LRRK1: variants seen among roughly 807,000 people sequenced by gnomAD.
LRRK1 encodes leucine-rich repeat serine/threonine-protein kinase 1.
Under a neutral mutation model 209.1 loss-of-function variants are expected in LRRK1, and 113 were observed. That is an observed-to-expected ratio of 0.54 (90% CI 0.46 to 0.63). The LOEUF is 0.63. LRRK1 is among the 30% of genes least tolerant of loss of function. The pLI is 0.00. For missense variants in LRRK1, 2,284 were observed against 2,632.2 expected, an observed-to-expected ratio of 0.87 and a Z score of 2.89; for synonymous variants, 1,144 against 1,099.7, an observed-to-expected ratio of 1.04 and a Z score of -0.80.
At chr15:100,949,984 C>T (rs1191890066) in intron 2 of LRRK1, among the ~76,000 whole-genome samples, 3 of 152,184 alleles carry the variant, frequency 2.0e-5, no homozygotes, top group Admixed American at 1.3e-4. Context: ...ACTCTCACTA[C>T]TTCTATTCAA....
intron 2 of LRRK1, among the ~76,000 whole-genome samples, chr15:100,930,021 G>A (rs1421239220): frequency 1.3e-5 from 2 of 152,196 alleles, no homozygotes; most frequent in Admixed American, 1.3e-4. Context: ...GTTTTAACCT[G>A]AGGCTTAGAT....
chr15:100,972,412 G>A (rs1303015498), intron 2 of LRRK1, among the ~76,000 whole-genome samples: 1 of 148,460 alleles, frequency 6.7e-6, no homozygotes, highest in East Asian at 2.0e-4. Flanking sequence ...GTTTTGGTAT[G>A]TTTGAAGAAT....
intron 13 of LRRK1, 122 bp downstream of exon 13, chr15:101,021,304 C>G (rs1043036808): frequency 8.9e-7 from 1 of 1,121,662 alleles, no homozygotes; most frequent in Non-Finnish European, 1.3e-6. Context: ...TTCCAAGAAG[C>G]AGTAGTGAGA....
At chr15:101,066,838 A>G in intron 33 of LRRK1, 97 bp downstream of exon 33, 1 of 1,056,780 alleles carries the variant, frequency 9.5e-7, no homozygotes, top group African/African-American at 1.6e-5. Flanking sequence ...CTGCCCTTCC[A>G]TTCTCCCAAA....
rs2036907343 is a variant in LRRK1 at position 101,074,316 on chromosome 15, T to C, written c.*5468T>C. On this transcript the variant is annotated 3_prime_UTR_variant, in exon 34 of 34. Transcript: ENST00000388948. The stretch of plus-strand genomic sequence containing the variant: ...CTCCCCTCCTCACACCCGGTCCGGC[T>C]TACAGTTTCCTTCCGTGACTAGCCC... The C allele has an allele frequency of 6.6e-6, 1 of 152,128 alleles. No homozygotes were observed. 9.4% of individuals were successfully genotyped at this position (152,128 alleles called of 1,614,324 possible). A position where few individuals can be genotyped will look rare whatever the true frequency, so the allele number is the denominator to read the frequency against.
chr15:100,926,672 CTTTTTTTCTTTT>C (rs2042118422), intron 2 of LRRK1, among the ~76,000 whole-genome samples: 1 of 128,666 alleles, frequency 7.8e-6, no homozygotes, highest in African/African-American at 3.0e-5. Context: ...TTTTTCTTTT[CTTTTTTTCTTTT>C]TTTTTTTTTT....
intron 20 of LRRK1, among the ~76,000 whole-genome samples, chr15:101,038,970 A>C (rs1047965834): frequency 6.6e-6 from 1 of 152,174 alleles, no homozygotes; most frequent in African/African-American, 2.4e-5. Flanking sequence ...ACATCTACAA[A>C]GTCTCTATTT....
intron 13 of LRRK1, 56 bp from the exon 14 acceptor site, chr15:101,021,775 CGTGTGTGTGTGTGT>C (rs3031683): frequency 0.12 from 96,145 of 770,290 alleles, 64 homozygotes; most frequent in South Asian, 0.18. Flanking sequence ...CACGTGTGTG[CGTGTGTGTGTGTGT>C]GTGTGTGTGT....
chr15:100,944,595 G>A (rs1358524380), intron 2 of LRRK1, among the ~76,000 whole-genome samples: 2 of 152,198 alleles, frequency 1.3e-5, no homozygotes, highest in Admixed American at 6.5e-5. Context: ...GAGGACTCCT[G>A]ATCTTGGCTT....
chr15:101,069,346 T>A lies in LRRK1; in HGVS notation c.*498T>A, dbSNP rs1264890024. 6.5e-6 allele frequency: 1 copy of A among 152,908 alleles called. No individual in the cohort carries two copies. Among genetic ancestry groups the A allele is most frequent in the Non-Finnish European group, 1.5e-5 (1 of 68,310 alleles). 9.5% of individuals were successfully genotyped at this position (152,908 alleles called of 1,614,324 possible). A position where few individuals can be genotyped will look rare whatever the true frequency, so the allele number is the denominator to read the frequency against. On this transcript the variant is annotated 3_prime_UTR_variant, in exon 34 of 34. Coordinates refer to ENST00000388948, the MANE Select transcript of LRRK1 (RefSeq NM_024652.6). ...GCTCTCAGCACATTCCACAGGCTCCTGAGTCCCCGAGGCCTGGGCCAGCTT... is the reference window on the plus strand; with the variant it reads ...GCTCTCAGCACATTCCACAGGCTCCAGAGTCCCCGAGGCCTGGGCCAGCTT...
intron 9 of LRRK1, among the ~76,000 whole-genome samples, chr15:101,011,084 C>A (rs2033215035): frequency 1.3e-5 from 2 of 152,154 alleles, no homozygotes; most frequent in Non-Finnish European, 2.9e-5. Flanking sequence ...ACCCACAGAA[C>A]TTTACCCAGG....
At chr15:100,977,010 C>T (rs1434507047) in intron 3 of LRRK1, among the ~76,000 whole-genome samples, 2 of 152,060 alleles carry the variant, frequency 1.3e-5, no homozygotes, top group Non-Finnish European at 2.9e-5. Flanking sequence ...AAGCTCTAGA[C>T]GTTACATGTA....
chr15:101,043,610 A>ATGTGTGTGTGTG lies in LRRK1; in HGVS notation c.2964-2363_2964-2352dup, dbSNP rs71456883. On this transcript the variant is annotated intron_variant, in intron 20 of 33. Coordinates refer to ENST00000388948, the MANE Select transcript of LRRK1 (RefSeq NM_024652.6). ...TGTATAAAACGTACACGTATTTATA[A>ATGTGTGTGTGTG]TGTGTGTGTGTGTGTGTGTTGGCCT... 3.0e-4 allele frequency: 45 copies of ATGTGTGTGTGTG among 150,720 alleles called. 1 individual carries two copies. In the East Asian group the frequency reaches 6.3e-3, roughly 21 times the overall value. 9.3% of individuals were successfully genotyped at this position (150,720 alleles called of 1,614,324 possible).
At position 101,071,541 on chromosome 15, in the gene LRRK1, C is replaced by T. The variant is rs1415017651; in HGVS notation, c.*2693C>T. 1.3e-5 allele frequency: 2 copies of T among 152,210 alleles called. No homozygotes were observed. The highest frequency in any genetic ancestry group is 6.5e-5 in the Admixed American group (1 of 15,276). 9.4% of individuals were successfully genotyped at this position (152,210 alleles called of 1,614,324 possible). A position where few individuals can be genotyped will look rare whatever the true frequency, so the allele number is the denominator to read the frequency against. On this transcript the variant is annotated 3_prime_UTR_variant, in exon 34 of 34. Transcript: ENST00000388948. ...AGTAGCTGCGATTACAGGCGTGCAC[C>T]ACAATGCCTGGATAATTTTTGTATT...
intron 2 of LRRK1, among the ~76,000 whole-genome samples, chr15:100,963,286 C>T (rs2030204738): frequency 1.3e-5 from 2 of 152,174 alleles, no homozygotes; most frequent in African/African-American, 2.4e-5. Context: ...CGCATCCGAG[C>T]CCCTTATTCT....
chr15:101,039,118 A>C (rs1372387848), intron 20 of LRRK1, among the ~76,000 whole-genome samples: 1 of 152,182 alleles, frequency 6.6e-6, no homozygotes, highest in Non-Finnish European at 1.5e-5. Flanking sequence ...TTGCATTTTC[A>C]TCTAAATTTT....
At position 101,071,186 on chromosome 15, in the gene LRRK1, C is replaced by T. The variant is rs2036790262; in HGVS notation, c.*2338C>T. The stretch of plus-strand genomic sequence containing the variant: ...GTGACCTCTGGCGGGTGTAGAAGAG[C>T]TCATGCTTCAGTGAGGGGGTGGGGG... On this transcript the variant is annotated 3_prime_UTR_variant, in exon 34 of 34. Transcript: ENST00000388948. The T allele has an allele frequency of 6.6e-6, 1 of 152,344 alleles. No individual in the cohort carries two copies. The highest frequency in any genetic ancestry group is 1.5e-5 in the Non-Finnish European group (1 of 68,208). 9.4% of individuals were successfully genotyped at this position (152,344 alleles called of 1,614,324 possible).
chr15:101,027,289 C>T lies in LRRK1; in HGVS notation c.2434C>T (p.Gln812Ter). The change falls in exon 18 of 34, where the codon CAG becomes TAG. Residue 812 changes from glutamine (Q) to a stop codon, truncating the protein, a stop_gained. Transcript: ENST00000388948. LOFTEE classifies it high-confidence loss of function. This position sits in a 1 kb window ranked among gnomAD's most constrained non-coding sequence, Gnocchi z 5.1. ...HEISCKSLEGQEGLRQLIFHV... is the reference protein window; with the variant it reads ...HEISCKSLEG ...GATTTCCTGCAAGAGCCTGGAAGGTCAGGAAGGGCTGCGACAGCTGATTTT... is the reference window on the plus strand; with the variant it reads ...GATTTCCTGCAAGAGCCTGGAAGGTTAGGAAGGGCTGCGACAGCTGATTTT... 6.2e-7 allele frequency: 1 copy of T among 1,614,108 alleles called. No individual in the cohort carries two copies. Among genetic ancestry groups the T allele is most frequent in the Admixed American group, 1.7e-5 (1 of 60,010 alleles).
intron 4 of LRRK1, among the ~76,000 whole-genome samples, chr15:100,987,771 T>C (rs1182799164): frequency 6.6e-6 from 1 of 152,134 alleles, no homozygotes; most frequent in African/African-American, 2.4e-5. Context: ...CAGAGAGAGA[T>C]TAAGAAATGT....
Sources: gnomAD v4.1 joint callset for allele counts (sites outside exome capture counted in the v4.1 genomes callset) on GRCh38, gnomAD v4.1.1 for gene constraint, Gnocchi (gnomAD v3.1) non-coding constraint, MANE v1.5 for transcripts, NCBI Gene and HGNC (gene_info 2026-07-23, HGNC 2026-07-21) for gene names.